The following MYO16 variants were observed in gnomAD, a reference collection of about 807,000 sequenced individuals.
MYO16 encodes the protein myosin XVI.
MYO16 carries 94 observed loss-of-function variants against 205.3 expected under a neutral mutation model. The ratio of observed to expected loss-of-function variants is 0.46; its 90% confidence interval spans 0.39 to 0.54. The LOEUF is 0.54. MYO16 is among the 20% of genes least tolerant of loss of function. The probability of loss-of-function intolerance (pLI) is 0.00; values close to 1 mark genes in which losing one functional copy is unlikely to be tolerated. For synonymous variants in MYO16, 988 were observed against 954.0 expected (o/e 1.04, Z -0.66); for missense variants, 2,315 against 2,387.5 (o/e 0.97, Z 0.63).
chr13:108,956,284 G>T, intron 16 of MYO16, among the ~76,000 whole-genome samples: 1 of 151,990 alleles, frequency 6.6e-6, no homozygotes. Context: ...CCCGTGCCCA[G>T]TTCACCCCCT....
chr13:108,673,390 G>T (rs1429333887), intron 2 of MYO16, among the ~76,000 whole-genome samples: 2 of 141,852 alleles, frequency 1.4e-5, no homozygotes, highest in Non-Finnish European at 1.5e-5. Context: ...CAAAAGCAAT[G>T]TTATTTATTT....
At chr13:108,645,163 T>C (rs1319526810) in intron 1 of MYO16, among the ~76,000 whole-genome samples, 1 of 152,170 alleles carries the variant, frequency 6.6e-6, no homozygotes, top group East Asian at 1.9e-4. Context: ...GTCTGGAACA[T>C]CAGGCCAAGA....
At chr13:108,783,777 G>T (rs746085683) in intron 4 of MYO16, among the ~76,000 whole-genome samples, 1 of 152,244 alleles carries the variant, frequency 6.6e-6, no homozygotes, top group South Asian at 2.1e-4. Context: ...TTCTGCTTTT[G>T]CTTCCTCCTC....
chr13:109,199,360 C>T (rs185138904), intron 34 of MYO16, among the ~76,000 whole-genome samples: 3 of 151,276 alleles, frequency 2.0e-5, no homozygotes, highest in African/African-American at 7.3e-5. Flanking sequence ...CAGGGAGCTC[C>T]TAGAGCAGAG....
At chr13:109,130,663 G>T (rs1302749189) in intron 31 of MYO16, among the ~76,000 whole-genome samples, 2 of 152,184 alleles carry the variant, frequency 1.3e-5, no homozygotes, top group African/African-American at 2.4e-5. Flanking sequence ...ACCCACACGT[G>T]ATAAGCCAGC....
At chr13:108,998,667 A>C (rs1594457616) in intron 21 of MYO16, among the ~76,000 whole-genome samples, 1 of 152,204 alleles carries the variant, frequency 6.6e-6, no homozygotes, top group African/African-American at 2.4e-5. Context: ...TCTCTGGTCC[A>C]TCATATCTGG....
chr13:108,521,591 A>G, the MYO16 span, among the ~76,000 whole-genome samples: 10 of 152,158 alleles, frequency 6.6e-5, no homozygotes, highest in Non-Finnish European at 1.3e-4. Flanking sequence ...TACTGCGGTC[A>G]CCTTTTGTGC....
At chr13:108,613,798 C>T (rs745431045) in intron 1 of MYO16, among the ~76,000 whole-genome samples, 4 of 152,040 alleles carry the variant, frequency 2.6e-5, no homozygotes, top group African/African-American at 4.8e-5. Context: ...ATGATCGTCA[C>T]AGTAGACTCA....
At chr13:108,553,176 G>A in the MYO16 span, among the ~76,000 whole-genome samples, 4 of 151,588 alleles carry the variant, frequency 2.6e-5, no homozygotes, top group South Asian at 2.1e-4. Flanking sequence ...GTGCCACCAC[G>A]CCCAACTAAT....
intron 21 of MYO16, among the ~76,000 whole-genome samples, chr13:108,992,749 C>T (rs956163183): frequency 6.6e-6 from 1 of 152,064 alleles, no homozygotes; most frequent in African/African-American, 2.4e-5. Context: ...GAAGGGAGAA[C>T]ATGAATATTT....
At chr13:108,688,273 A>C (rs952543787) in intron 2 of MYO16, among the ~76,000 whole-genome samples, 1 of 152,214 alleles carries the variant, frequency 6.6e-6, no homozygotes, top group Non-Finnish European at 1.5e-5. Flanking sequence ...AGATTTACAC[A>C]TAGAAAACAG....
chr13:108,564,958 T>C, the MYO16 span, among the ~76,000 whole-genome samples: 3 of 152,232 alleles, frequency 2.0e-5, no homozygotes, highest in Non-Finnish European at 4.4e-5. Context: ...ATGAGTTCAC[T>C]CTAGGTGTCT....
intron 27 of MYO16, among the ~76,000 whole-genome samples, chr13:109,063,040 C>A (rs536813145): frequency 4.5e-4 from 69 of 152,172 alleles, no homozygotes; most frequent in African/African-American, 1.5e-3. Context: ...TCCAGTTTTG[C>A]CGTTGGGAAG....
At chr13:108,561,528 T>C in the MYO16 span, among the ~76,000 whole-genome samples, 5 of 152,228 alleles carry the variant, frequency 3.3e-5, 1 homozygote, top group African/African-American at 1.2e-4. Flanking sequence ...AAGGTACAAA[T>C]GTTTTTAACT....
At chr13:108,970,953 A>G (rs1218939211) in intron 20 of MYO16, among the ~76,000 whole-genome samples, 3 of 152,184 alleles carry the variant, frequency 2.0e-5, no homozygotes, top group Admixed American at 2.0e-4. Context: ...CACTTTTTAT[A>G]AACAAAGTCC....
intron 28 of MYO16, among the ~76,000 whole-genome samples, chr13:109,109,273 C>A (rs568374291): frequency 6.6e-6 from 1 of 152,164 alleles, no homozygotes; most frequent in Admixed American, 6.5e-5. Context: ...TAATTACTAA[C>A]ACGTTTTTCT....
intron 20 of MYO16, among the ~76,000 whole-genome samples, chr13:108,981,879 C>T (rs925502994): frequency 1.6e-4 from 24 of 152,196 alleles, no homozygotes; most frequent in African/African-American, 5.8e-4. Flanking sequence ...ATTGAAAAGA[C>T]AGCTCTCCAT....
chr13:108,761,427 A>G (rs1033506050), intron 4 of MYO16, among the ~76,000 whole-genome samples: 5 of 152,060 alleles, frequency 3.3e-5, no homozygotes, highest in Admixed American at 2.0e-4. Flanking sequence ...AAAAGCTGAG[A>G]AAACTTATTA....
At chr13:108,949,638 A>C (rs1464864348) in intron 16 of MYO16, among the ~76,000 whole-genome samples, 1 of 152,224 alleles carries the variant, frequency 6.6e-6, no homozygotes, top group East Asian at 1.9e-4. Flanking sequence ...TCCTGTTAAA[A>C]TCTTAACAAT....
Sources: allele counts gnomAD v4.1 joint callset (sites outside exome capture counted in the v4.1 genomes callset), GRCh38; gene constraint gnomAD v4.1.1; transcripts MANE v1.5; gene names NCBI Gene and HGNC (gene_info 2026-07-23, HGNC 2026-07-21).